The following OR5AS1 variants were observed in gnomAD, a reference collection of about 807,000 sequenced individuals.
OR5AS1 encodes the protein olfactory receptor family 5 subfamily AS member 1, also known as olfactory receptor 5AS1.
For synonymous variants in OR5AS1, 196 were observed against 141.7 expected (o/e 1.38, Z -2.72); for missense variants, 492 against 378.2 (o/e 1.30, Z -2.50).
rs1372297148 is a variant in OR5AS1 at position 56,036,326 on chromosome 11, A to C, written c.*4933A>C. 6.6e-6 allele frequency: 1 copy of C among 152,116 alleles called. No homozygotes were observed. Among genetic ancestry groups the C allele is most frequent in the Non-Finnish European group, 1.5e-5 (1 of 68,030 alleles). 9.4% of individuals were successfully genotyped at this position (152,116 alleles called of 1,614,324 possible). A position where few individuals can be genotyped will look rare whatever the true frequency, so the allele number is the denominator to read the frequency against. The stretch of plus-strand genomic sequence containing the variant: ...TAGAGACATGAAAAACCCTTCAAAA[A>C]ATCAATGAATCCAGGAGTTGGTTTT... On this transcript the variant is annotated 3_prime_UTR_variant, in exon 2 of 2. Transcript: ENST00000641320.
rs112020597 is a variant in OR5AS1, at chr11:56,033,501, A to C, written c.*2108A>C. On this transcript the variant is annotated 3_prime_UTR_variant, in exon 2 of 2. Coordinates refer to ENST00000641320, the MANE Select transcript of OR5AS1 (RefSeq NM_001001921.2). The stretch of plus-strand genomic sequence containing the variant: ...AGTTTTCCCCTCATAGTGTAAACAA[A>C]GCTGCCAGGAAGTTTGAACTGGGTG... 0.09 allele frequency: 13,744 copies of C among 152,270 alleles called. 675 individuals carry two copies. Among genetic ancestry groups the C allele is most frequent in the African/African-American group, 0.12 (4,942 of 41,484 alleles). The allele number at this position is 152,270 out of a possible 1,614,324, so 9.4% of individuals were successfully genotyped here.
Position 56,031,582 on chromosome 11 carries a change from G to A in OR5AS1, c.*189G>A. 1 of 452,016 alleles carries A rather than the reference G, an allele frequency of 2.2e-6. No homozygotes were observed. 28.0% of individuals were successfully genotyped at this position (452,016 alleles called of 1,614,324 possible). On this transcript the variant is annotated 3_prime_UTR_variant, in exon 2 of 2. Transcript: ENST00000641320. Reference sequence around the variant, plus strand: ...ATAAAACATTACCTAATTAAACATAGTCATTATTTATATCCAATTAGTGTT... The same window carrying A: ...ATAAAACATTACCTAATTAAACATAATCATTATTTATATCCAATTAGTGTT...
chr11:56,034,773 T>A lies in OR5AS1; in HGVS notation c.*3380T>A, dbSNP rs1853387576. On this transcript the variant is annotated 3_prime_UTR_variant, in exon 2 of 2. Coordinates refer to ENST00000641320, the MANE Select transcript of OR5AS1 (RefSeq NM_001001921.2). ...GGAAATACATGTAACACCACAAAGA[T>A]ACACCTCAAGAAGAGCAACCCCCAG... 6.6e-6 allele frequency: 1 copy of A among 152,010 alleles called. No homozygotes were observed. The highest frequency in any genetic ancestry group is 3.2e-3 in the Middle Eastern group (1 of 316). 9.4% of individuals were successfully genotyped at this position (152,010 alleles called of 1,614,324 possible).
At position 56,031,429 on chromosome 11, in the gene OR5AS1, A is replaced by T. The variant is rs760080745; in HGVS notation, c.*36A>T. 1 of 1,380,100 alleles carries T rather than the reference A, an allele frequency of 7.2e-7. No homozygotes were observed. Among genetic ancestry groups the T allele is most frequent in the Non-Finnish European group, 9.8e-7 (1 of 1,024,572 alleles). The allele number at this position is 1,380,100 out of a possible 1,614,324, so 85.5% of individuals were successfully genotyped here. ...CAATCTCATAAACAGCAATTATGCC[A>T]TGAACATCTTATGTGTTAACTATTT... is the stretch of plus-strand genomic sequence containing the variant. On this transcript the variant is annotated 3_prime_UTR_variant, in exon 2 of 2. Transcript: ENST00000641320.
rs764469448 is a variant in OR5AS1, at chr11:56,030,823, G to A, written c.405G>A (p.Leu135=). The change falls in exon 2 of 2, where the codon CTG becomes CTA. Residue 135 remains leucine, a synonymous_variant. Transcript: ENST00000641320. ...AICNPLLYTT[L]MSRRVCVCFI... is the part of the protein sequence containing the mutation. ...GCAACCCACTGCTCTATACTACACTGATGTCTAGGAGAGTCTGTGTCTGCT... is the reference window on the plus strand; with the variant it reads ...GCAACCCACTGCTCTATACTACACTAATGTCTAGGAGAGTCTGTGTCTGCT... 1 of 1,614,032 alleles carries A rather than the reference G, an allele frequency of 6.2e-7. No homozygotes were observed. Among genetic ancestry groups the A allele is most frequent in the South Asian group, 1.1e-5 (1 of 91,082 alleles).
In OR5AS1 at chr11:56,030,767, G is replaced by A. The variant is rs779091636; in HGVS notation, c.349G>A (p.Ala117Thr). The A allele has an allele frequency of 3.7e-6, 6 of 1,613,606 alleles. No homozygotes were observed. Among genetic ancestry groups the A allele is most frequent in the Middle Eastern group, 1.6e-4 (1 of 6,080 alleles). ...TGATGCTGAGTGCCTTATCCTGGCA[G>A]CAATGGCTTATGACCGCTATGCAGC... is the stretch of plus-strand genomic sequence containing the variant. Reference protein sequence around the residue: ...FADAECLILAAMAYDRYAAIC... With the variant: ...FADAECLILATMAYDRYAAIC... The change falls in exon 2 of 2, where the codon GCA becomes ACA. Residue 117 changes from alanine to threonine, a missense_variant. Ala to Thr is a moderately conservative substitution (Grantham distance 58, BLOSUM62 0). Coordinates refer to ENST00000641320, the MANE Select transcript of OR5AS1 (RefSeq NM_001001921.2).
chr11:56,031,926 T>A lies in OR5AS1; in HGVS notation c.*533T>A, dbSNP rs1424009682. 1 of 152,430 alleles carries A rather than the reference T, an allele frequency of 6.6e-6. No homozygotes were observed. The highest frequency in any genetic ancestry group is 1.5e-5 in the Non-Finnish European group (1 of 68,296). The allele number at this position is 152,430 out of a possible 1,614,324, so 9.4% of individuals were successfully genotyped here. On this transcript the variant is annotated 3_prime_UTR_variant, in exon 2 of 2. Coordinates refer to ENST00000641320, the MANE Select transcript of OR5AS1 (RefSeq NM_001001921.2). Reference sequence around the variant, plus strand: ...ATTTAAGTATGGATGGAGGGATGGATAGATGGATAGATAGATGAATGACTG... The same window carrying A: ...ATTTAAGTATGGATGGAGGGATGGAAAGATGGATAGATAGATGAATGACTG...
chr11:56,030,597 A>G lies in OR5AS1; in HGVS notation c.179A>G (p.Tyr60Cys). 6.5e-7 allele frequency: 1 copy of G among 1,546,876 alleles called. No homozygotes were observed. Among genetic ancestry groups the G allele is most frequent in the Non-Finnish European group, 8.7e-7 (1 of 1,149,592 alleles). ...NINSSLQIPM[Y>C]YFLSNLSFLD... ...AATTCAAGCCTTCAAATTCCCATGT[A>G]TTATTTTCTTAGCAACTTATCTTTC... Residue 60 changes from tyrosine (Y) to cysteine (C), a missense_variant, in exon 2 of 2, where the codon TAT becomes TGT. Tyr to Cys is a radical substitution (Grantham distance 194). Transcript: ENST00000641320.
chr11:56,031,075 C>A lies in OR5AS1; in HGVS notation c.657C>A (p.Phe219Leu). 1.2e-6 allele frequency: 2 copies of A among 1,614,040 alleles called. No homozygotes were observed. The highest frequency in any genetic ancestry group is 1.7e-6 in the Non-Finnish European group (2 of 1,179,968). Reference protein sequence around the residue: ...STFVVIFISYFCILITVLSIK... With the variant: ...STFVVIFISYLCILITVLSIK... ...TTGTGGTAATATTTATTTCTTACTTCTGCATCCTCATCACTGTGTTGAGCA... is the reference window on the plus strand; with the variant it reads ...TTGTGGTAATATTTATTTCTTACTTATGCATCCTCATCACTGTGTTGAGCA... The change falls in exon 2 of 2, where the codon TTC (phenylalanine) becomes TTA (leucine). Residue 219 changes from phenylalanine to leucine, a missense_variant. Coordinates refer to ENST00000641320, the MANE Select transcript of OR5AS1 (RefSeq NM_001001921.2).
In OR5AS1 at chr11:56,031,185, T is replaced by G; in HGVS notation, c.767T>G (p.Leu256Arg). The G allele has an allele frequency of 6.2e-7, 1 of 1,614,038 alleles. No homozygotes were observed. Among genetic ancestry groups the G allele is most frequent in the South Asian group, 1.1e-5 (1 of 91,086 alleles). Residue 256 changes from leucine to arginine, a missense_variant, in exon 2 of 2, where the codon CTG becomes CGG. Leu to Arg is a moderately radical substitution (Grantham distance 102, BLOSUM62 -2). Transcript: ENST00000641320. The part of the protein sequence containing the change: ...IAVTLFYGAL[L>R]FMYLQPTTSY... Reference sequence around the variant, plus strand: ...GTCACCTTATTCTATGGAGCGCTCCTGTTTATGTACTTACAGCCCACCACT... The same window carrying G: ...GTCACCTTATTCTATGGAGCGCTCCGGTTTATGTACTTACAGCCCACCACT...
rs772809591 is a variant in OR5AS1 at position 56,030,578 on chromosome 11, A to G, written c.160A>G (p.Ser54Gly). 1.3e-4 allele frequency: 196 copies of G among 1,549,088 alleles called. No individual in the cohort carries two copies. Among genetic ancestry groups the G allele is most frequent in the Non-Finnish European group, 1.7e-4 (192 of 1,147,664 alleles). ...AATAATTCTAGTTAATATTAATTCA[A>G]GCCTTCAAATTCCCATGTATTATTT... ...LLIILVNINSSLQIPMYYFLS... is the reference protein window; with the variant it reads ...LLIILVNINSGLQIPMYYFLS... The change falls in exon 2 of 2, where the codon AGC becomes GGC. Residue 54 changes from serine (S) to glycine (G), a missense_variant. Physicochemically the swap from Ser to Gly is moderately conservative, Grantham distance 56. Coordinates refer to ENST00000641320, the MANE Select transcript of OR5AS1 (RefSeq NM_001001921.2).
At chr11:56,030,179 C>A (rs1466563431) in intron 1 of OR5AS1, among the ~76,000 whole-genome samples, 1 of 152,090 alleles carries the variant, frequency 6.6e-6, no homozygotes, top group East Asian at 1.9e-4. Flanking sequence ...TATTATAAAA[C>A]ACCACCATCT....
In OR5AS1 at chr11:56,035,960, A is replaced by C. The variant is rs551998894; in HGVS notation, c.*4567A>C. On this transcript the variant is annotated 3_prime_UTR_variant, in exon 2 of 2. Transcript: ENST00000641320. The stretch of plus-strand genomic sequence containing the variant: ...TCAGACCACAGTGCAATCAAATTAG[A>C]ACTCAGGATTAAGAAACTCACTCAA... The C allele has an allele frequency of 2.0e-4, 30 of 152,284 alleles. No homozygotes were observed. The highest frequency in any genetic ancestry group is 7.0e-4 in the African/African-American group (29 of 41,516). 9.4% of individuals were successfully genotyped at this position (152,284 alleles called of 1,614,324 possible). A position where few individuals can be genotyped will look rare whatever the true frequency, so the allele number is the denominator to read the frequency against.
At position 56,032,417 on chromosome 11, in the gene OR5AS1, G is replaced by T. The variant is rs7125843; in HGVS notation, c.*1024G>T. 6.6e-6 allele frequency: 1 copy of T among 152,130 alleles called. No individual in the cohort carries two copies. Among genetic ancestry groups the T allele is most frequent in the South Asian group, 2.1e-4 (1 of 4,830 alleles). The allele number at this position is 152,130 out of a possible 1,614,324, so 9.4% of individuals were successfully genotyped here. A position where few individuals can be genotyped will look rare whatever the true frequency, so the allele number is the denominator to read the frequency against. On this transcript the variant is annotated 3_prime_UTR_variant, in exon 2 of 2. Transcript: ENST00000641320. ...ATCGATTTTGATAATTAAATTATCA[G>T]ATTTTTTGTGGTTTATTCTGATCTT...
Position 56,031,229 on chromosome 11 carries a change from G to A in OR5AS1, c.811G>A (p.Asp271Asn). The change falls in exon 2 of 2, where the codon GAT (aspartate) becomes AAT (asparagine). Residue 271 changes from aspartate to asparagine, a missense_variant. By Grantham distance (23) the Asp-to-Asn change is conservative (BLOSUM62 1). Transcript: ENST00000641320. Reference protein sequence around the residue: ...QPTTSYSLDTDKVVAVFYTVV... With the variant: ...QPTTSYSLDTNKVVAVFYTVV... ...CACCACTAGCTATTCCCTAGACACT[G>A]ATAAGGTGGTGGCAGTGTTTTATAC... 1 of 1,613,738 alleles carries A rather than the reference G, an allele frequency of 6.2e-7. No individual in the cohort carries two copies. The highest frequency in any genetic ancestry group is 8.5e-7 in the Non-Finnish European group (1 of 1,179,738).
Position 56,030,810 on chromosome 11 carries a change from T to C in OR5AS1, c.392T>C (p.Leu131Pro), listed in dbSNP as rs1853340529. The C allele has an allele frequency of 6.2e-7, 1 of 1,614,072 alleles. No individual in the cohort carries two copies. The highest frequency in any genetic ancestry group is 1.1e-5 in the South Asian group (1 of 91,084). Residue 131 changes from leucine to proline, a missense_variant, in exon 2 of 2, where the codon CTC becomes CCC. Leu to Pro is a moderately conservative substitution (Grantham distance 98). Transcript: ENST00000641320. ...DRYAAICNPL[L>P]YTTLMSRRVC... ...TATGCAGCCATCTGCAACCCACTGC[T>C]CTATACTACACTGATGTCTAGGAGA...
rs1378786317 is a variant in OR5AS1 at position 56,038,141 on chromosome 11, A to T, written c.*6748A>T. ...AACTCAAGATGGATTAAAGACTTAA[A>T]CATAAAACCATCAACACGCTGAACC... On this transcript the variant is annotated 3_prime_UTR_variant, in exon 2 of 2. Coordinates refer to ENST00000641320, the MANE Select transcript of OR5AS1 (RefSeq NM_001001921.2). The T allele has an allele frequency of 6.6e-6, 1 of 152,146 alleles. No individual in the cohort carries two copies. Among genetic ancestry groups the T allele is most frequent in the Non-Finnish European group, 1.5e-5 (1 of 68,030 alleles). 9.4% of individuals were successfully genotyped at this position (152,146 alleles called of 1,614,324 possible).
rs1398336528 is a variant in OR5AS1 at position 56,037,838 on chromosome 11, C to A, written c.*6445C>A. On this transcript the variant is annotated 3_prime_UTR_variant, in exon 2 of 2. Coordinates refer to ENST00000641320, the MANE Select transcript of OR5AS1 (RefSeq NM_001001921.2). ...GCAATCCTAAGCAAAAAGAACAAAG[C>A]TGGAGGCATCATGCTACCTGGCTTC... 2.0e-5 allele frequency: 3 copies of A among 151,904 alleles called. No individual in the cohort carries two copies. Among genetic ancestry groups the A allele is most frequent in the African/African-American group, 7.3e-5 (3 of 41,312 alleles). 9.4% of individuals were successfully genotyped at this position (151,904 alleles called of 1,614,324 possible).
Position 56,030,984 on chromosome 11 carries a change from G to T in OR5AS1, c.566G>T (p.Cys189Phe), listed in dbSNP as rs755072919. ...CDIPPLLALS[C>F]TDTQINQLLL... is the part of the protein sequence containing the mutation. ...ATCCCACCTCTTCTGGCTTTATCAT[G>T]TACAGACACTCAGATCAACCAGCTT... Residue 189 changes from cysteine (C) to phenylalanine (F), a missense_variant, in exon 2 of 2, where the codon TGT becomes TTT. Transcript: ENST00000641320. The T allele has an allele frequency of 6.2e-7, 1 of 1,614,132 alleles. No homozygotes were observed. Among genetic ancestry groups the T allele is most frequent in the Non-Finnish European group, 8.5e-7 (1 of 1,180,008 alleles).
Sources: gnomAD v4.1 joint callset for allele counts (sites outside exome capture counted in the v4.1 genomes callset) on GRCh38, gnomAD v4.1.1 for gene constraint, MANE v1.5 for transcripts, NCBI Gene and HGNC (gene_info 2026-07-23, HGNC 2026-07-21) for gene names.